The following EXOC6B variants were observed in gnomAD, a reference collection of about 807,000 sequenced individuals.
The protein encoded by EXOC6B is exocyst complex component 6B, also known as SEC15 homolog B.
A neutral mutation model predicts 113.5 loss-of-function variants in EXOC6B; 54 were observed. The observed-to-expected ratio is 0.48, with a 90% confidence interval of 0.38 to 0.60. The LOEUF (loss-of-function observed/expected upper bound fraction) is 0.60. Among genes scored for constraint, EXOC6B ranks in the 20% least tolerant of loss-of-function variants. The probability of loss-of-function intolerance (pLI) is 0.00; values close to 1 mark genes in which losing one functional copy is unlikely to be tolerated. For synonymous variants in EXOC6B, 357 were observed against 339.0 expected, an observed-to-expected ratio of 1.05 and a Z score of -0.58; for missense variants, 797 against 977.5, an observed-to-expected ratio of 0.82 and a Z score of 2.46.
intron 18 of EXOC6B, chr2:72,462,245 A>C (rs534252195): frequency 3.3e-5 from 5 of 152,234 alleles, no homozygotes; most frequent in East Asian, 3.9e-4. Context: ...CACTTTTGAC[A>C]CTATATTTTC....
At chr2:72,308,456 T>C (rs1297265735) in intron 20 of EXOC6B, among the ~76,000 whole-genome samples, 3 of 152,186 alleles carry the variant, frequency 2.0e-5, no homozygotes, top group Non-Finnish European at 2.9e-5. Context: ...AAGGAATACG[T>C]TAAGCTAAAG....
chr2:72,368,188 A>G (rs1690758950), intron 19 of EXOC6B, among the ~76,000 whole-genome samples: 1 of 152,198 alleles, frequency 6.6e-6, no homozygotes, highest in Non-Finnish European at 1.5e-5. Context: ...GGATATCACC[A>G]CTGATCCCAC....
intron 20 of EXOC6B, among the ~76,000 whole-genome samples, chr2:72,263,995 T>C (rs1683895358): frequency 6.6e-6 from 1 of 152,042 alleles, no homozygotes; most frequent in Non-Finnish European, 1.5e-5. Context: ...TACCACAGAG[T>C]TGGTGGATGT....
intron 20 of EXOC6B, among the ~76,000 whole-genome samples, chr2:72,314,040 G>T (rs895747706): frequency 1.3e-5 from 2 of 152,158 alleles, no homozygotes; most frequent in Non-Finnish European, 2.9e-5. Context: ...AACAGAAGAT[G>T]CCTAATTAGC....
intron 20 of EXOC6B, among the ~76,000 whole-genome samples, chr2:72,276,707 T>C (rs550979963): frequency 6.6e-6 from 1 of 152,320 alleles, no homozygotes; most frequent in Admixed American, 6.5e-5. Context: ...TTTCAAATGA[T>C]ATAAATGACT....
At chr2:72,728,471 C>A (rs1321193706) in intron 5 of EXOC6B, among the ~76,000 whole-genome samples, 1 of 152,070 alleles carries the variant, frequency 6.6e-6, no homozygotes, top group African/African-American at 2.4e-5. Context: ...ACCAAATGTC[C>A]CTAATAGTAT....
chr2:72,611,897 T>C (rs1248342669), intron 6 of EXOC6B, among the ~76,000 whole-genome samples: 1 of 152,202 alleles, frequency 6.6e-6, no homozygotes, highest in Admixed American at 6.5e-5. Flanking sequence ...TAGTATGATC[T>C]AAATCTTATA....
At chr2:72,185,489 A>G (rs1164155315) in intron 20 of EXOC6B, among the ~76,000 whole-genome samples, 1 of 152,208 alleles carries the variant, frequency 6.6e-6, no homozygotes, top group Non-Finnish European at 1.5e-5. Flanking sequence ...AAAACTTAGA[A>G]AAGTCCCTAT....
intron 1 of EXOC6B, among the ~76,000 whole-genome samples, chr2:72,797,340 G>T (rs967917310): frequency 2.6e-5 from 4 of 152,196 alleles, no homozygotes; most frequent in Non-Finnish European, 5.9e-5. Context: ...GAAAAGGAAG[G>T]TACTCTAGGT....
intron 6 of EXOC6B, among the ~76,000 whole-genome samples, 170 bp downstream of exon 6, chr2:72,717,933 T>TA (rs1163392969): frequency 1.3e-5 from 2 of 152,158 alleles, no homozygotes; most frequent in Admixed American, 6.5e-5. Flanking sequence ...ATTGCTCTGT[T>TA]AAAAAAATGA....
intron 20 of EXOC6B, among the ~76,000 whole-genome samples, chr2:72,259,683 C>T (rs17724860): frequency 0.12 from 18,192 of 152,164 alleles, 1,346 homozygotes; most frequent in Admixed American, 0.16. Flanking sequence ...CTATAATTAG[C>T]CAATTTTTTA....
At chr2:72,406,771 C>T (rs1693800680) in intron 18 of EXOC6B, among the ~76,000 whole-genome samples, 2 of 152,016 alleles carry the variant, frequency 1.3e-5, no homozygotes, top group Admixed American at 6.6e-5. Context: ...AAAATGGACA[C>T]CCTAACATCA....
intron 20 of EXOC6B, among the ~76,000 whole-genome samples, chr2:72,274,392 T>C (rs761328073): frequency 3.3e-5 from 5 of 152,158 alleles, no homozygotes; most frequent in Non-Finnish European, 7.4e-5. Context: ...TGAGATAAAA[T>C]ACACTGGACA....
intron 18 of EXOC6B, among the ~76,000 whole-genome samples, chr2:72,447,659 T>A (rs1410279344): frequency 3.9e-5 from 6 of 152,214 alleles, no homozygotes; most frequent in African/African-American, 1.2e-4. Context: ...TAATGCAACC[T>A]AAATTAACAT....
At chr2:72,726,286 T>G (rs1680297109) in intron 5 of EXOC6B, among the ~76,000 whole-genome samples, 1 of 152,222 alleles carries the variant, frequency 6.6e-6, no homozygotes, top group Non-Finnish European at 1.5e-5. Context: ...CAGCTAGTGA[T>G]GATGATGTTA....
intron 7 of EXOC6B, among the ~76,000 whole-genome samples, chr2:72,568,554 C>G (rs1021940051): frequency 2.6e-5 from 4 of 151,894 alleles, no homozygotes; most frequent in Non-Finnish European, 4.4e-5. Flanking sequence ...CACGCACGCA[C>G]GCACACACCT....
intron 17 of EXOC6B, among the ~76,000 whole-genome samples, chr2:72,475,304 T>G (rs1573209744): frequency 6.6e-6 from 1 of 152,276 alleles, no homozygotes; most frequent in Non-Finnish European, 1.5e-5. Context: ...GGCAGCCAGC[T>G]TGATGTGAAT....
chr2:72,218,251 G>A (rs1350722174), intron 20 of EXOC6B, among the ~76,000 whole-genome samples: 1 of 152,194 alleles, frequency 6.6e-6, no homozygotes, highest in Non-Finnish European at 1.5e-5. Flanking sequence ...CATCAGCAAG[G>A]TGAATGTTTC....
At chr2:72,326,041 G>A (rs377170399) in intron 20 of EXOC6B, among the ~76,000 whole-genome samples, 2 of 152,042 alleles carry the variant, frequency 1.3e-5, no homozygotes, top group East Asian at 3.9e-4. Flanking sequence ...CCCTCCACCG[G>A]CTACCAGTAG....
Sources: allele counts gnomAD v4.1 joint callset (sites outside exome capture counted in the v4.1 genomes callset), GRCh38; gene constraint gnomAD v4.1.1; transcripts MANE v1.5; gene names NCBI Gene and HGNC (gene_info 2026-07-23, HGNC 2026-07-21).